PCSK1: variants seen among roughly 807,000 people sequenced by gnomAD.
PCSK1 encodes neuroendocrine convertase 1.
PCSK1 carries 56 observed loss-of-function variants against 90.6 expected under a neutral mutation model. The ratio of observed to expected loss-of-function variants is 0.62; its 90% CI spans 0.50 to 0.77. The LOEUF (loss-of-function observed/expected upper bound fraction) is 0.77, where lower values mean the gene tolerates loss of function less well. PCSK1 is among the 30% of genes least tolerant of loss of function. The probability of loss-of-function intolerance (pLI) is 0.00; values close to 1 mark genes in which losing one functional copy is unlikely to be tolerated. For missense variants in PCSK1, 801 were observed against 932.6 expected, an observed-to-expected ratio of 0.86 and a Z score of 1.84; for synonymous variants, 348 against 342.4, an observed-to-expected ratio of 1.02 and a Z score of -0.18.
intron 9 of PCSK1, among the ~76,000 whole-genome samples, chr5:96,404,129 T>G (rs1242989758): frequency 6.6e-6 from 1 of 152,200 alleles, no homozygotes; most frequent in East Asian, 1.9e-4. Context: ...CTTAGTATAT[T>G]TATCTCCAAG....
chr5:96,416,037 A>C lies in PCSK1; in HGVS notation c.705T>G (p.Val235=). 6.2e-7 allele frequency: 1 copy of C among 1,602,262 alleles called. No homozygotes were observed. Among genetic ancestry groups the C allele is most frequent in the Non-Finnish European group, 8.6e-7 (1 of 1,169,172 alleles). The change falls in exon 6 of 14, where the codon GTT becomes GTG. Residue 235 remains valine, a synonymous_variant. Coordinates refer to ENST00000311106, the MANE Select transcript of PCSK1 (RefSeq NM_000439.5). ...CGVGVAYNSK[V]GGIRMLDGIV... is the part of the protein sequence containing the mutation. ...AGGGACAATCCTCTGTTTTACCTCC[A>C]ACTTTGGAATTGTATGCAACTCCAA...
chr5:96,393,388 A>T lies in PCSK1; in HGVS notation c.1885-10T>A. On this transcript the variant is annotated splice_polypyrimidine_tract_variant and intron_variant, in intron 13 of 13. Transcript: ENST00000311106. ...CTTGTGTGGGCTGCTCCTAAAACATAGAATGCCATCCACAAAGGGAAGAAG... is the reference window on the plus strand; with the variant it reads ...CTTGTGTGGGCTGCTCCTAAAACATTGAATGCCATCCACAAAGGGAAGAAG... 6.2e-7 allele frequency: 1 copy of T among 1,613,416 alleles called. No homozygotes were observed. The highest frequency in any genetic ancestry group is 8.5e-7 in the Non-Finnish European group (1 of 1,179,844).
chr5:96,410,235 T>C (rs1760709946), intron 8 of PCSK1, among the ~76,000 whole-genome samples: 2 of 152,112 alleles, frequency 1.3e-5, no homozygotes, highest in South Asian at 2.1e-4. Flanking sequence ...TCTCTGAGCA[T>C]ACGACCTCCC....
Position 96,429,321 on chromosome 5 carries a change from T to A in PCSK1, c.181-4A>T, listed in dbSNP as rs749537726. ...AGTGATTTTCAAGTGAACCAATCTA[T>A]AAAAGGAAAGAAATAAAATAAATAT... is the stretch of plus-strand genomic sequence containing the variant. On this transcript the variant is annotated splice_region_variant and splice_polypyrimidine_tract_variant and intron_variant, in intron 1 of 13. Coordinates refer to ENST00000311106, the MANE Select transcript of PCSK1 (RefSeq NM_000439.5). The A allele has an allele frequency of 1.4e-6, 2 of 1,460,826 alleles. No homozygotes were observed. The highest frequency in any genetic ancestry group is 1.4e-5 in the African/African-American group (1 of 71,916). 90.5% of individuals were successfully genotyped at this position (1,460,826 alleles called of 1,614,324 possible). A position where few individuals can be genotyped will look rare whatever the true frequency, so the allele number is the denominator to read the frequency against.
rs2936433 is a variant in PCSK1, at chr5:96,400,491, G to A, written c.1197-305C>T. Among the ~76,000 whole-genome samples, 139,298 of 152,232 alleles carry A rather than the reference G, an allele frequency of 0.92. 63,954 individuals carry two copies. Among genetic ancestry groups the A allele is most frequent in the African/African-American group, 0.98 (40,701 of 41,540 alleles). ...AAAACTTTGTCCTTAATTTCTAATT[G>A]CTTCCATTTAACTGAGCAAACATTT... On this transcript the variant is annotated intron_variant, in intron 9 of 13. Coordinates refer to ENST00000311106, the MANE Select transcript of PCSK1 (RefSeq NM_000439.5).
In PCSK1 at chr5:96,408,327, G is replaced by A. The variant is rs1210036642; in HGVS notation, c.1096-4C>T. 2.5e-6 allele frequency: 4 copies of A among 1,610,778 alleles called. No individual in the cohort carries two copies. Among genetic ancestry groups the A allele is most frequent in the East Asian group, 4.5e-5 (2 of 44,852 alleles). ...CATTGTGCAGGTCAGCGCTCGTCTG[G>A]ATGACGTCAGGAAGGAGAGAAAGGC... On this transcript the variant is annotated splice_region_variant and splice_polypyrimidine_tract_variant and intron_variant, in intron 8 of 13. Transcript: ENST00000311106.
intron 2 of PCSK1, among the ~76,000 whole-genome samples, chr5:96,427,952 C>T (rs116772433): frequency 0.025 from 3,731 of 152,158 alleles, 149 homozygotes; most frequent in African/African-American, 0.085. Flanking sequence ...GGTCCAGGGC[C>T]TCTGATTTGG....
chr5:96,393,374 T>C lies in PCSK1; in HGVS notation c.1889A>G (p.Gln630Arg). The C allele has an allele frequency of 6.2e-7, 1 of 1,613,772 alleles. No individual in the cohort carries two copies. The highest frequency in any genetic ancestry group is 1.7e-4 in the Middle Eastern group (1 of 5,882). ...VEKMVDPGEEQPTQENPKENT... is the reference protein window; with the variant it reads ...VEKMVDPGEERPTQENPKENT... ...CTCCTTAGGGTTCTCTTGTGTGGGCTGCTCCTAAAACATAGAATGCCATCC... is the reference window on the plus strand; with the variant it reads ...CTCCTTAGGGTTCTCTTGTGTGGGCCGCTCCTAAAACATAGAATGCCATCC... The change falls in exon 14 of 14, where the codon CAG becomes CGG. Residue 630 changes from glutamine to arginine, a missense_variant. Transcript: ENST00000311106.
intron 3 of PCSK1, 131 bp downstream of exon 3, chr5:96,425,689 A>T: frequency 1.5e-6 from 1 of 678,460 alleles, no homozygotes; most frequent in East Asian, 2.7e-5. Flanking sequence ...ATCAGCCCTA[A>T]TCTCCAGACA....
intron 9 of PCSK1, among the ~76,000 whole-genome samples, chr5:96,404,054 T>G (rs1227952471): frequency 6.6e-6 from 1 of 152,230 alleles, no homozygotes; most frequent in Non-Finnish European, 1.5e-5. Flanking sequence ...TACAGCTTTC[T>G]TAGGTATACT....
intron 13 of PCSK1, among the ~76,000 whole-genome samples, chr5:96,393,711 C>T (rs530981758): frequency 6.6e-6 from 1 of 152,336 alleles, no homozygotes; most frequent in South Asian, 2.1e-4. Flanking sequence ...AGCCTGCTGT[C>T]ATGGAATCCA....
intron 9 of PCSK1, among the ~76,000 whole-genome samples, chr5:96,401,126 C>T (rs1760355124): frequency 1.4e-5 from 2 of 145,958 alleles, no homozygotes; most frequent in South Asian, 4.4e-4. Flanking sequence ...GTTTACAATC[C>T]AGTAAAAAGA....
At chr5:96,413,209 A>G (rs1760828570) in intron 6 of PCSK1, among the ~76,000 whole-genome samples, 1 of 152,222 alleles carries the variant, frequency 6.6e-6, no homozygotes, top group South Asian at 2.1e-4. Flanking sequence ...AATCATTGCC[A>G]TGGATTTCAC....
intron 1 of PCSK1, 142 bp downstream of exon 1, chr5:96,432,721 G>T: frequency 1.5e-6 from 1 of 686,214 alleles, no homozygotes; most frequent in Non-Finnish European, 2.6e-6. Context: ...GCGCGACAGG[G>T]GCGAGGGCTG....
Position 96,410,868 on chromosome 5 carries a change from G to A in PCSK1, c.1001C>T (p.Ala334Val). Residue 334 changes from alanine (A) to valine (V), a missense_variant, in exon 8 of 14, where the codon GCC becomes GTC. Physicochemically the swap from Ala to Val is moderately conservative, Grantham distance 64. Transcript: ENST00000311106. ...CCAGGGGGATAGGCCTTGCTGGGAG[G>A]CACTGCTGATGGAGATGGTGTAGAT... The part of the protein sequence containing the change: ...DSIYTISISS[A>V]SQQGLSPWYA... 1 of 1,613,908 alleles carries A rather than the reference G, an allele frequency of 6.2e-7. No individual in the cohort carries two copies. The highest frequency in any genetic ancestry group is 8.5e-7 in the Non-Finnish European group (1 of 1,179,792).
chr5:96,410,335 G>A (rs1352005345), intron 8 of PCSK1, among the ~76,000 whole-genome samples: 1 of 152,122 alleles, frequency 6.6e-6, no homozygotes, highest in African/African-American at 2.4e-5. Flanking sequence ...AGGAGACATA[G>A]CTGGTGTAGA....
At chr5:96,422,967 A>T (rs919338048) in intron 4 of PCSK1, among the ~76,000 whole-genome samples, 4 of 151,054 alleles carry the variant, frequency 2.6e-5, no homozygotes, top group African/African-American at 7.4e-5. Flanking sequence ...GGAAACTGTG[A>T]CAATGATCTC....
intron 8 of PCSK1, among the ~76,000 whole-genome samples, chr5:96,410,498 G>A (rs1760718060): frequency 6.6e-6 from 1 of 151,960 alleles, no homozygotes; most frequent in Non-Finnish European, 1.5e-5. Flanking sequence ...AAAGACATTT[G>A]GAGTCTCCGC....
rs758570679 is a variant in PCSK1, at chr5:96,416,050, T to C, written c.692A>G (p.Tyr231Cys). 3.1e-6 allele frequency: 5 copies of C among 1,608,414 alleles called. No homozygotes were observed. Among genetic ancestry groups the C allele is most frequent in the Non-Finnish European group, 4.3e-6 (5 of 1,174,782 alleles). ...TGTTTTACCTCCAACTTTGGAATTG[T>C]ATGCAACTCCAACCCCGCATTTGTG... ...NNHKCGVGVA[Y>C]NSKVGGIRML... Residue 231 changes from tyrosine to cysteine, a missense_variant, in exon 6 of 14, where the codon TAC becomes TGC. Tyr to Cys is a radical substitution (Grantham distance 194, BLOSUM62 -2). Transcript: ENST00000311106.
Sources: allele counts gnomAD v4.1 joint callset (sites outside exome capture counted in the v4.1 genomes callset), GRCh38; gene constraint gnomAD v4.1.1; transcripts MANE v1.5; gene names NCBI Gene and HGNC (gene_info 2026-07-23, HGNC 2026-07-21).